Variants in FBXW12 observed in about 807,000 individuals in gnomAD.
The protein encoded by FBXW12 is F-box/WD repeat-containing protein 12.
A neutral mutation model predicts 55.3 loss-of-function variants in FBXW12; 43 were observed. That is an observed-to-expected ratio of 0.78 (90% CI 0.61 to 1.00). FBXW12 has a LOEUF of 1.00. Ranked by LOEUF, FBXW12 falls within the 50% of genes least tolerant of loss-of-function variation. The probability of loss-of-function intolerance (pLI) is 0.00; values close to 1 mark genes in which losing one functional copy is unlikely to be tolerated. For synonymous variants in FBXW12, 184 were observed against 203.8 expected (o/e 0.90, Z 0.83); for missense variants, 524 against 560.5 (o/e 0.93, Z 0.66).
At chr3:48,390,479 A>G (rs1045971253) in intron 10 of FBXW12, among the ~76,000 whole-genome samples, 1 of 136,518 alleles carries the variant, frequency 7.3e-6, no homozygotes, top group Non-Finnish European at 1.5e-5. Flanking sequence ...CAGTGGTACA[A>G]TCTTGGCTCG....
intron 10 of FBXW12, among the ~76,000 whole-genome samples, chr3:48,392,985 C>A (rs867851431): frequency 3.6e-5 from 4 of 110,496 alleles, no homozygotes; most frequent in Admixed American, 1.0e-4. Flanking sequence ...GAAGGGGTAC[C>A]CTTTTTTTTT....
At chr3:48,378,046 G>A (rs1375319391) in intron 5 of FBXW12, among the ~76,000 whole-genome samples, 2 of 152,192 alleles carry the variant, frequency 1.3e-5, no homozygotes, top group Admixed American at 6.5e-5. Flanking sequence ...AGGCTGCACT[G>A]TGAGTAGGAG....
intron 3 of FBXW12, 48 bp downstream of exon 3, chr3:48,373,393 G>A: frequency 1.2e-6 from 2 of 1,613,972 alleles, no homozygotes; most frequent in Non-Finnish European, 1.7e-6. Context: ...GAGATCATCT[G>A]ACTGCGCACC....
chr3:48,373,521 C>G (rs767503786), intron 3 of FBXW12, 27 bp from the exon 4 acceptor site: 1 of 1,609,162 alleles, frequency 6.2e-7, no homozygotes, highest in African/African-American at 1.3e-5. Context: ...TGAGAACAGC[C>G]TGATGGGACT....
At chr3:48,385,111 T>G (rs1435620801) in intron 10 of FBXW12, among the ~76,000 whole-genome samples, 1 of 152,190 alleles carries the variant, frequency 6.6e-6, no homozygotes, top group Non-Finnish European at 1.5e-5. Context: ...TTGACCAACA[T>G]CTCTTCATTC....
intron 3 of FBXW12, 75 bp downstream of exon 3, chr3:48,373,420 G>T (rs1378704171): frequency 1.2e-6 from 2 of 1,612,406 alleles, no homozygotes; most frequent in Non-Finnish European, 1.7e-6. Context: ...GTGTCCCAAG[G>T]CCTGTGTGGC....
At chr3:48,389,879 G>T (rs2036896746) in intron 10 of FBXW12, among the ~76,000 whole-genome samples, 2 of 152,146 alleles carry the variant, frequency 1.3e-5, no homozygotes, top group Non-Finnish European at 2.9e-5. Context: ...TTGGTGTATG[G>T]TGAAAAGTAG....
intron 10 of FBXW12, among the ~76,000 whole-genome samples, chr3:48,383,147 A>C (rs1226331963): frequency 1.3e-5 from 2 of 152,246 alleles, no homozygotes; most frequent in African/African-American, 4.8e-5. Flanking sequence ...AATACTTTAA[A>C]TATCTATAAG....
chr3:48,373,641 G>A lies in FBXW12; in HGVS notation c.222G>A (p.Arg74=), dbSNP rs771833752. The A allele has an allele frequency of 6.2e-7, 1 of 1,614,156 alleles. No homozygotes were observed. The highest frequency in any genetic ancestry group is 2.2e-5 in the East Asian group (1 of 44,874). The change falls in exon 4 of 11, where the codon AGG becomes AGA. Residue 74 remains arginine, a synonymous_variant. Coordinates refer to ENST00000296438, the MANE Select transcript of FBXW12 (RefSeq NM_207102.2). ...AGCAATTTTTCCTGCATCAAAGAAG[G>A]AAGGAGCTTCGGTTGGCATTGGCAC... is the stretch of plus-strand genomic sequence containing the variant. ...TWKQFFLHQR[R]KELRLALAQP... is the part of the protein sequence containing the mutation.
At chr3:48,394,427 C>A (rs1183646890) in intron 10 of FBXW12, 133 bp from the exon 11 acceptor site, 2 of 600,018 alleles carry the variant, frequency 3.3e-6, no homozygotes, top group Non-Finnish European at 2.9e-6. Context: ...TTATTCAAAA[C>A]CAAATCTAAG....
At chr3:48,390,715 A>G (rs949987708) in intron 10 of FBXW12, among the ~76,000 whole-genome samples, 4 of 151,998 alleles carry the variant, frequency 2.6e-5, no homozygotes, top group African/African-American at 7.2e-5. Flanking sequence ...CATCTGGCCT[A>G]TGATTGCTTC....
intron 10 of FBXW12, among the ~76,000 whole-genome samples, chr3:48,388,957 T>C (rs1054281512): frequency 2.0e-5 from 3 of 152,204 alleles, no homozygotes; most frequent in Non-Finnish European, 2.9e-5. Context: ...AATTTATTCC[T>C]CCTGAAGAAC....
intron 7 of FBXW12, 68 bp downstream of exon 7, chr3:48,379,626 T>C: frequency 7.1e-7 from 1 of 1,417,612 alleles, no homozygotes; most frequent in East Asian, 2.3e-5. Flanking sequence ...GCAGAGAAAC[T>C]GCAGAGCTCA....
intron 5 of FBXW12, among the ~76,000 whole-genome samples, chr3:48,375,922 A>T (rs1182191557): frequency 7.0e-6 from 1 of 143,504 alleles, no homozygotes; most frequent in African/African-American, 2.6e-5. Context: ...TGATCCGCCT[A>T]CCTTGGGCTT....
At chr3:48,387,355 T>C (rs1441236317) in intron 10 of FBXW12, among the ~76,000 whole-genome samples, 1 of 152,086 alleles carries the variant, frequency 6.6e-6, no homozygotes, top group Non-Finnish European at 1.5e-5. Flanking sequence ...TTTTTTGTTT[T>C]GGTTTTGGTT....
At chr3:48,374,778 TTTTTTTTTAA>T (rs1473559848) in intron 4 of FBXW12, among the ~76,000 whole-genome samples, 2 of 141,964 alleles carry the variant, frequency 1.4e-5, no homozygotes, top group East Asian at 2.0e-4. Context: ...TTTTTTTTTT[TTTTTTTTTAA>T]AAACAGAGTC....
At chr3:48,372,923 C>A (rs1003899576) in intron 2 of FBXW12, 66 bp downstream of exon 2, 1 of 1,439,076 alleles carries the variant, frequency 6.9e-7, no homozygotes. Context: ...TTGAGCACCA[C>A]TTTGCAGAAT....
In FBXW12 at chr3:48,372,277, G is replaced by C. The variant is rs1298868900; in HGVS notation, c.-128G>C. On this transcript the variant is annotated 5_prime_UTR_variant, in exon 1 of 11. Coordinates refer to ENST00000296438, the MANE Select transcript of FBXW12 (RefSeq NM_207102.2). ...AAGGTAGAAACCCAGAGGCCATGCT[G>C]GCGCTGAGAGATGAGCCCCACTCAC... is the stretch of plus-strand genomic sequence containing the variant. The C allele has an allele frequency of 6.4e-7, 1 of 1,552,146 alleles. No homozygotes were observed. Among genetic ancestry groups the C allele is most frequent in the Non-Finnish European group, 8.7e-7 (1 of 1,147,080 alleles).
chr3:48,390,644 C>T (rs954260620), intron 10 of FBXW12, among the ~76,000 whole-genome samples: 1 of 151,596 alleles, frequency 6.6e-6, no homozygotes, highest in Non-Finnish European at 1.5e-5. Flanking sequence ...AAACTCCTGA[C>T]CTCAAGTGAT....
Sources: allele counts gnomAD v4.1 joint callset (sites outside exome capture counted in the v4.1 genomes callset), GRCh38; gene constraint gnomAD v4.1.1; transcripts MANE v1.5; gene names NCBI Gene and HGNC (gene_info 2026-07-23, HGNC 2026-07-21).